Variants in ZDHHC20 observed in about 807,000 individuals in gnomAD.
ZDHHC20 encodes zDHHC palmitoyltransferase 20, also known as palmitoyltransferase ZDHHC20.
Under a neutral mutation model 57.8 loss-of-function variants are expected in ZDHHC20, and 43 were observed. That is an observed-to-expected ratio of 0.74 (90% CI 0.58 to 0.96). The LOEUF (loss-of-function observed/expected upper bound fraction) is 0.96. Ranked by LOEUF, ZDHHC20 falls within the 40% of genes least tolerant of loss-of-function variation. The pLI, the probability that ZDHHC20 is intolerant of heterozygous loss-of-function variation, is 0.00. For synonymous variants in ZDHHC20, 157 were observed against 153.0 expected (o/e 1.03, Z -0.19); for missense variants, 391 against 441.1 (o/e 0.89, Z 1.02).
In ZDHHC20 at chr13:21,425,772, C is replaced by CA. The variant is rs1347159996; in HGVS notation, c.119-95dup. 2.1e-5 allele frequency: 17 copies of CA among 809,792 alleles called. No homozygotes were observed. In the South Asian group the frequency reaches 4.6e-4, roughly 22 times the overall value. The allele number at this position is 809,792 out of a possible 1,614,324, so 50.2% of individuals were successfully genotyped here. On this transcript the variant is annotated intron_variant, in intron 1 of 12. Coordinates refer to ENST00000400590, the MANE Select transcript of ZDHHC20 (RefSeq NM_001330059.2). ...TGAATATTCATCTTAATATCATTTT[C>CA]AAAAAAATAAACTTTAGTTATAAAT... is the stretch of plus-strand genomic sequence containing the variant.
chr13:21,427,687 T>C (rs1292009620), intron 1 of ZDHHC20, among the ~76,000 whole-genome samples: 2 of 151,778 alleles, frequency 1.3e-5, no homozygotes, highest in Non-Finnish European at 2.9e-5. Context: ...ATGCAAAAAT[T>C]AGCCAGGCAT....
At chr13:21,428,718 G>C (rs1881575190) in intron 1 of ZDHHC20, among the ~76,000 whole-genome samples, 1 of 151,688 alleles carries the variant, frequency 6.6e-6, no homozygotes, top group Non-Finnish European at 1.5e-5. Context: ...AAATTAGCTG[G>C]GCATGGTGGC....
chr13:21,393,699 C>CAA lies in ZDHHC20; in HGVS notation c.595-1847_595-1846dup, dbSNP rs71093307. 2.2e-3 allele frequency among the ~76,000 whole-genome samples: 140 copies of CAA among 63,414 alleles called. 7 individuals carry two copies. Among genetic ancestry groups the CAA allele is most frequent in the African/African-American group, 5.9e-3 (79 of 13,328 alleles). 41.6% of individuals were successfully genotyped at this position (63,414 alleles called of 152,430 possible). The stretch of plus-strand genomic sequence containing the variant: ...AGCCTGGGCGACACAGCAAGTCTCA[C>CAA]AAAAAAAAAAAAAAAAAAAAAAAAA... On this transcript the variant is annotated intron_variant, in intron 7 of 12. Transcript: ENST00000400590.
At chr13:21,407,523 G>A (rs1395719134) in intron 4 of ZDHHC20, among the ~76,000 whole-genome samples, 1 of 152,122 alleles carries the variant, frequency 6.6e-6, no homozygotes, top group African/African-American at 2.4e-5. Flanking sequence ...CTGGAGATTA[G>A]CCCTTTGTCA....
chr13:21,455,591 C>T (rs1884848358), intron 1 of ZDHHC20, among the ~76,000 whole-genome samples: 1 of 151,784 alleles, frequency 6.6e-6, no homozygotes, highest in African/African-American at 2.4e-5. Flanking sequence ...CATGCATTAC[C>T]CTCTTCCTCA....
At chr13:21,440,377 G>A (rs961104836) in intron 1 of ZDHHC20, among the ~76,000 whole-genome samples, 8 of 152,040 alleles carry the variant, frequency 5.3e-5, no homozygotes, top group African/African-American at 9.7e-5. Flanking sequence ...TTGGGAGGCC[G>A]AGGCGGGTGG....
At chr13:21,395,534 C>T (rs187250224) in intron 7 of ZDHHC20, among the ~76,000 whole-genome samples, 293 of 127,044 alleles carry the variant, frequency 2.3e-3, no homozygotes, top group Non-Finnish European at 3.8e-3. Flanking sequence ...CTTGCTCTGT[C>T]GCCAGGCTGG....
chr13:21,431,273 T>C (rs753063134), intron 1 of ZDHHC20, among the ~76,000 whole-genome samples: 1 of 151,858 alleles, frequency 6.6e-6, no homozygotes, highest in Non-Finnish European at 1.5e-5. Flanking sequence ...CAAGAGAAAA[T>C]GAGGATGCAA....
chr13:21,381,300 C>T lies in ZDHHC20; in HGVS notation c.1060+134G>A, dbSNP rs1362803957. The T allele has an allele frequency of 5.1e-6, 4 of 783,940 alleles. No homozygotes were observed. The Admixed American group carries it at 1.1e-4, about 21-fold the overall frequency. 48.6% of individuals were successfully genotyped at this position (783,940 alleles called of 1,614,324 possible). On this transcript the variant is annotated intron_variant, in intron 11 of 12. Transcript: ENST00000400590. The stretch of plus-strand genomic sequence containing the variant: ...GGATTACAGGCGTGAGCCACCGCGC[C>T]CAGCATATATTTAAAAGTTTCACAT...
At chr13:21,450,879 C>A (rs560379836) in intron 1 of ZDHHC20, among the ~76,000 whole-genome samples, 117 of 152,124 alleles carry the variant, frequency 7.7e-4, no homozygotes, top group African/African-American at 2.7e-3. Flanking sequence ...TTCAGCCTCC[C>A]AAGTAGCTGG....
chr13:21,408,127 T>A (rs1053959936), intron 4 of ZDHHC20, among the ~76,000 whole-genome samples: 5 of 152,316 alleles, frequency 3.3e-5, no homozygotes, highest in Admixed American at 3.3e-4. Flanking sequence ...CCACATGAAA[T>A]TTAAAGTAGT....
In ZDHHC20 at chr13:21,401,528, T is replaced by C. The variant is rs2137796343; in HGVS notation, c.473+125A>G. ...AACTGTTTACATACAAATCTATGCA[T>C]ATATGTAAAGAGATCAATCTTAATA... On this transcript the variant is annotated intron_variant, in intron 6 of 12. Transcript: ENST00000400590. 5.2e-6 allele frequency: 4 copies of C among 770,466 alleles called. 1 individual carries two copies. In the South Asian group the frequency reaches 5.8e-5, roughly 11 times the overall value. The allele number at this position is 770,466 out of a possible 1,614,324, so 47.7% of individuals were successfully genotyped here. A position where few individuals can be genotyped will look rare whatever the true frequency, so the allele number is the denominator to read the frequency against.
rs1374035400 is a variant in ZDHHC20 at position 21,375,129 on chromosome 13, G to A, written c.*1567C>T. On this transcript the variant is annotated 3_prime_UTR_variant, in exon 13 of 13. Transcript: ENST00000400590. ...TGCCTGGGAGACAGAGCAAAACTCT[G>A]TGGAAAAAAGAAGAAAAAAATTTAT... The A allele has an allele frequency of 4.4e-6, 2 of 456,168 alleles. No homozygotes were observed. Among genetic ancestry groups the A allele is most frequent in the Non-Finnish European group, 8.8e-6 (2 of 226,858 alleles). 28.3% of individuals were successfully genotyped at this position (456,168 alleles called of 1,614,324 possible). A position where few individuals can be genotyped will look rare whatever the true frequency, so the allele number is the denominator to read the frequency against.
rs569605192 is a variant in ZDHHC20, at chr13:21,387,704, A to G, written c.728-70T>C. On this transcript the variant is annotated intron_variant, in intron 8 of 12. Transcript: ENST00000400590. Reference sequence around the variant, plus strand: ...AATTATAGGAGGGATGGAAATTACCAATTTTCTTGCTTATATCTTTGACAC... The same window carrying G: ...AATTATAGGAGGGATGGAAATTACCGATTTTCTTGCTTATATCTTTGACAC... 3.2e-4 allele frequency: 320 copies of G among 996,612 alleles called. 1 individual carries two copies. In the East Asian group the frequency reaches 0.011, roughly 33 times the overall value. 61.7% of individuals were successfully genotyped at this position (996,612 alleles called of 1,614,324 possible).
intron 4 of ZDHHC20, among the ~76,000 whole-genome samples, chr13:21,412,649 G>C (rs1012746023): frequency 6.6e-6 from 1 of 151,984 alleles, no homozygotes; most frequent in Non-Finnish European, 1.5e-5. Flanking sequence ...AGACCACCTA[G>C]AAGACCTACA....
intron 3 of ZDHHC20, among the ~76,000 whole-genome samples, chr13:21,415,611 T>C (rs1382391262): frequency 6.6e-6 from 1 of 152,232 alleles, no homozygotes; most frequent in Non-Finnish European, 1.5e-5. Context: ...CCCTCTTGAA[T>C]ACTTTGAGAG....
At position 21,402,800 on chromosome 13, in the gene ZDHHC20, T is replaced by TGTTA; in HGVS notation, c.436_437insTAAC (p.Asp146ValfsTer7). The TGTTA allele has an allele frequency of 6.3e-7, 1 of 1,596,488 alleles. No individual in the cohort carries two copies. The highest frequency in any genetic ancestry group is 1.1e-5 in the South Asian group (1 of 87,570). On this transcript the variant is annotated frameshift_variant, in exon 5 of 13. Coordinates refer to ENST00000400590, the MANE Select transcript of ZDHHC20 (RefSeq NM_001330059.2). LOFTEE classifies it high-confidence loss of function. ...CATATGTGTGAGTAACACTTACGAG[T>TGTTA]CACAGGCTGAGCAGTGATGCGCCCG...
chr13:21,449,059 T>C, intron 1 of ZDHHC20, among the ~76,000 whole-genome samples: 1 of 131,822 alleles, frequency 7.6e-6, no homozygotes, highest in South Asian at 2.5e-4. Context: ...TGATCTCAAG[T>C]AATCAGGGAC....
At chr13:21,419,906 T>C (rs1183953480) in intron 3 of ZDHHC20, among the ~76,000 whole-genome samples, 1 of 152,236 alleles carries the variant, frequency 6.6e-6, no homozygotes, top group Non-Finnish European at 1.5e-5. Flanking sequence ...TTAATGATTT[T>C]GATAAATTTA....
Sources: allele counts gnomAD v4.1 joint callset (sites outside exome capture counted in the v4.1 genomes callset), GRCh38; gene constraint gnomAD v4.1.1; transcripts MANE v1.5; gene names NCBI Gene and HGNC (gene_info 2026-07-23, HGNC 2026-07-21).